MROH2A: variants seen among roughly 807,000 people sequenced by gnomAD.
MROH2A encodes maestro heat like repeat family member 2A, also known as maestro heat-like repeat-containing protein family member 2A.
A neutral mutation model predicts 200.4 loss-of-function variants in MROH2A; 174 were observed. That is an observed-to-expected ratio of 0.87 (90% CI 0.77 to 0.98). The LOEUF is 0.98. MROH2A is among the 50% of genes least tolerant of loss of function. The probability of loss-of-function intolerance (pLI) is 0.00; values close to 1 mark genes in which losing one functional copy is unlikely to be tolerated. For synonymous variants in MROH2A, 829 were observed against 840.4 expected (o/e 0.99, Z 0.23); for missense variants, 2,045 against 2,139.6 (o/e 0.96, Z 0.87).
At chr2:233,822,787 A>G in intron 33 of MROH2A, 94 bp from the exon 34 acceptor site, 5 of 1,451,516 alleles carry the variant, frequency 3.4e-6, no homozygotes, top group Non-Finnish European at 3.7e-6. Context: ...TGGGCCCGGC[A>G]GGCACTGGGG....
rs1477594738 is a variant in MROH2A, at chr2:233,794,376, T to C, written c.836T>C (p.Val279Ala). Residue 279 changes from valine to alanine, a missense_variant, in exon 8 of 42, where the codon GTG becomes GCG. Around this residue, in one of 3 missense-constraint regions of MROH2A, gnomAD observed 831 missense variants for 800.0 expected, o/e 1.04. Coordinates refer to ENST00000389758, the MANE Select transcript of MROH2A (RefSeq NM_001394639.1). Reference sequence around the variant, plus strand: ...TTCTGGTGGCAGGTGAAGCTGGGGGTGATCAAGTCCCTGAAGCCCATGCTC... The same window carrying C: ...TTCTGGTGGCAGGTGAAGCTGGGGGCGATCAAGTCCCTGAAGCCCATGCTC... ...RHYNPEVKLGVIKSLKPMLGL... is the reference protein window; with the variant it reads ...RHYNPEVKLGAIKSLKPMLGL... 1 of 1,549,872 alleles carries C rather than the reference T, an allele frequency of 6.5e-7. No homozygotes were observed. The highest frequency in any genetic ancestry group is 8.7e-7 in the Non-Finnish European group (1 of 1,146,778).
chr2:233,819,873 C>T (rs1473775766), intron 30 of MROH2A, 29 bp from the exon 31 acceptor site: 5 of 1,477,220 alleles, frequency 3.4e-6, no homozygotes, highest in Non-Finnish European at 4.5e-6. Context: ...GCCTGGGCTG[C>T]CCCCCGGTGA....
chr2:233,784,999 A>G, intron 3 of MROH2A, among the ~76,000 whole-genome samples: 1 of 152,070 alleles, frequency 6.6e-6, no homozygotes, highest in South Asian at 2.1e-4. Flanking sequence ...TACAAAAATT[A>G]GCCAGGCGTG....
intron 12 of MROH2A, among the ~76,000 whole-genome samples, 167 bp from the exon 13 acceptor site, chr2:233,799,613 A>C (rs1702328427): frequency 6.6e-6 from 1 of 151,784 alleles, no homozygotes; most frequent in Non-Finnish European, 1.5e-5. Flanking sequence ...GCAGAGTGGG[A>C]CCCCTGGATG....
chr2:233,831,299 G>T, intron 38 of MROH2A, 110 bp from the exon 39 acceptor site: 1 of 1,359,846 alleles, frequency 7.4e-7, no homozygotes, highest in Non-Finnish European at 9.7e-7. Flanking sequence ...GCCTTTCTTT[G>T]GCTTGGTGAG....
rs1703111258 is a variant in MROH2A at position 233,810,932 on chromosome 2, C to A, written c.2571+16C>A. 1.3e-6 allele frequency: 2 copies of A among 1,548,980 alleles called. No homozygotes were observed. Among genetic ancestry groups the A allele is most frequent in the East Asian group, 2.4e-5 (1 of 40,880 alleles). On this transcript the variant is annotated intron_variant, in intron 23 of 41. Coordinates refer to ENST00000389758, the MANE Select transcript of MROH2A (RefSeq NM_001394639.1). Reference sequence around the variant, plus strand: ...CATTATAGTGGTAAGCTGGGTGGGGCACCTCCTTGGTCCTGTTCCTGGTTT... The same window carrying A: ...CATTATAGTGGTAAGCTGGGTGGGGAACCTCCTTGGTCCTGTTCCTGGTTT...
In MROH2A at chr2:233,822,356, T is replaced by C. The variant is rs1704001827; in HGVS notation, c.3673-7T>C. 1.3e-6 allele frequency: 2 copies of C among 1,549,876 alleles called. No individual in the cohort carries two copies. The highest frequency in any genetic ancestry group is 1.7e-6 in the Non-Finnish European group (2 of 1,146,380). On this transcript the variant is annotated splice_polypyrimidine_tract_variant and splice_region_variant and intron_variant, in intron 32 of 41. Transcript: ENST00000389758. ...GGAGCCCGATGCCCTGGACCTTCTC[T>C]CTGCAGACCCTGTGCACCATCCACC... is the stretch of plus-strand genomic sequence containing the variant.
At position 233,790,007 on chromosome 2, in the gene MROH2A, C is replaced by CG; in HGVS notation, c.566dup (p.Asn190GlnfsTer4). The CG allele has an allele frequency of 6.5e-7, 1 of 1,548,366 alleles. No homozygotes were observed. The highest frequency in any genetic ancestry group is 8.7e-7 in the Non-Finnish European group (1 of 1,145,766). On this transcript the variant is annotated frameshift_variant, in exon 5 of 42. Transcript: ENST00000389758. LOFTEE classifies it high-confidence loss of function. ...TCATCACACTGGCCAAGCTGGCCAACGGCAATGGTAGGGGCTTGAGGGCCC... is the reference window on the plus strand; with the variant it reads ...TCATCACACTGGCCAAGCTGGCCAACGGGCAATGGTAGGGGCTTGAGGGCCC...
chr2:233,779,408 C>T lies in MROH2A; in HGVS notation c.50C>T (p.Ser17Leu), dbSNP rs1700823484. The stretch of plus-strand genomic sequence containing the variant: ...GCAGTAGCCTCAAGTGAGGAGGTGT[C>T]AGAGGAAAGAGACGACCTGGGGCCT... ...EAAVASSEEV[S>L]EERDDLGPLE... Residue 17 changes from serine to leucine, a missense_variant, in exon 2 of 42, where the codon TCA (serine) becomes TTA (leucine). Coordinates refer to ENST00000389758, the MANE Select transcript of MROH2A (RefSeq NM_001394639.1). 2 of 1,549,886 alleles carry T rather than the reference C, an allele frequency of 1.3e-6. No individual in the cohort carries two copies. The highest frequency in any genetic ancestry group is 1.4e-5 in the African/African-American group (1 of 73,026).
chr2:233,790,404 CA>C lies in MROH2A; in HGVS notation c.571+391del, dbSNP rs1176387376. Among the ~76,000 whole-genome samples the C allele has an allele frequency of 6.8e-4, 90 of 132,034 alleles. 1 individual carries two copies. Among genetic ancestry groups the C allele is most frequent in the Non-Finnish European group, 5.4e-4 (33 of 60,938 alleles). The allele number at this position is 132,034 out of a possible 152,430, so 86.6% of individuals were successfully genotyped here. A position where few individuals can be genotyped will look rare whatever the true frequency, so the allele number is the denominator to read the frequency against. ...CCTCCCTTCCTCCCTTCCTCCATCC[CA>C]CCCTTCCTTCCTCCCCTTTTCTTCT... On this transcript the variant is annotated intron_variant, in intron 5 of 41. Transcript: ENST00000389758.
chr2:233,797,588 A>G (rs1307944115), intron 11 of MROH2A, among the ~76,000 whole-genome samples: 4 of 152,230 alleles, frequency 2.6e-5, no homozygotes, highest in Non-Finnish European at 5.9e-5. Context: ...TGTGGAAGAA[A>G]TCTATGTTCA....
intron 16 of MROH2A, 87 bp from the exon 17 acceptor site, chr2:233,803,964 C>T: frequency 2.0e-6 from 3 of 1,482,210 alleles, no homozygotes; most frequent in Admixed American, 4.3e-5. Context: ...TTGTCCAGCT[C>T]CTCCCTTTAA....
Position 233,831,436 on chromosome 2 carries a change from G to T in MROH2A, c.4630G>T (p.Val1544Leu), listed in dbSNP as rs1333943371. The change falls in exon 39 of 42, where the codon GTG (valine) becomes TTG (leucine). Residue 1544 changes from valine to leucine, a missense_variant. Val to Leu is a conservative substitution (Grantham distance 32, BLOSUM62 1). Coordinates refer to ENST00000389758, the MANE Select transcript of MROH2A (RefSeq NM_001394639.1). ...CTGTATGGCTACCATGTTTCAGTGTGTGCACTTCTGGGGCTGGAAGTCCCT... is the reference window on the plus strand; with the variant it reads ...CTGTATGGCTACCATGTTTCAGTGTTTGCACTTCTGGGGCTGGAAGTCCCT... ...QACMATMFQC[V>L]HFWGWKSLEH... 3 of 1,550,380 alleles carry T rather than the reference G, an allele frequency of 1.9e-6. No homozygotes were observed. The Admixed American group carries it at 5.9e-5, about 30-fold the overall frequency.
intron 8 of MROH2A, 147 bp from the exon 9 acceptor site, chr2:233,795,495 CAGCAGGACTGG>C: frequency 1.7e-6 from 2 of 1,165,284 alleles, no homozygotes; most frequent in Non-Finnish European, 2.4e-6. Context: ...GGCTTGGATT[CAGCAGGACTGG>C]GGTAGGGCCT....
intron 40 of MROH2A, 58 bp from the exon 41 acceptor site, chr2:233,832,521 C>T (rs370362482): frequency 3.8e-6 from 5 of 1,309,822 alleles, no homozygotes; most frequent in African/African-American, 1.5e-5. Flanking sequence ...AACCACAGGA[C>T]GACTTGCCTG....
Position 233,829,053 on chromosome 2 carries a change from G to GC in MROH2A, c.4428dup (p.Arg1477GlnfsTer84). On this transcript the variant is annotated frameshift_variant, in exon 37 of 42. Transcript: ENST00000389758. LOFTEE classifies it high-confidence loss of function. The stretch of plus-strand genomic sequence containing the variant: ...TCTTTCGACGCCATGTCTGAGCAGT[G>GC]CAGGATCTTCTTCGACAACGTGAGT... 1 of 1,528,274 alleles carries GC rather than the reference G, an allele frequency of 6.5e-7. No individual in the cohort carries two copies. The highest frequency in any genetic ancestry group is 8.8e-7 in the Non-Finnish European group (1 of 1,134,674). The allele number at this position is 1,528,274 out of a possible 1,614,324, so 94.7% of individuals were successfully genotyped here.
intron 39 of MROH2A, 93 bp from the exon 40 acceptor site, chr2:233,832,084 A>C: frequency 2.9e-6 from 3 of 1,045,272 alleles, no homozygotes; most frequent in Non-Finnish European, 4.3e-6. Flanking sequence ...GCCCTCTCTG[A>C]TGCATCTTGG....
At chr2:233,804,655 G>A (rs1702678602) in intron 18 of MROH2A, 108 bp downstream of exon 18, 2 of 956,524 alleles carry the variant, frequency 2.1e-6, no homozygotes, top group Non-Finnish European at 3.3e-6. Context: ...GCCCCTAAAG[G>A]ACATGTTCTC....
rs1174325731 is a variant in MROH2A, at chr2:233,800,315, C to T, written c.1560C>T (p.Thr520=). Residue 520 remains threonine, a splice_region_variant and synonymous_variant, in exon 14 of 42, where the codon ACC becomes ACT. Transcript: ENST00000389758. ...IITSSVSGMT[T]EFWVRLLCYI... is the part of the protein sequence containing the mutation. ...CCTCTTCTGTCAGTGGGATGACCAC[C>T]GTGAGTGGGCCCTGCCCCACCCGCA... The T allele has an allele frequency of 7.8e-6, 12 of 1,537,240 alleles. No homozygotes were observed. The highest frequency in any genetic ancestry group is 2.4e-5 in the East Asian group (1 of 40,854).
Sources: allele counts gnomAD v4.1 joint callset (sites outside exome capture counted in the v4.1 genomes callset), GRCh38; gene constraint gnomAD v4.1.1; regional missense constraint gnomAD v4.1.1; transcripts MANE v1.5; gene names NCBI Gene and HGNC (gene_info 2026-07-23, HGNC 2026-07-21).